Variants in SH3BP5 observed in about 807,000 individuals in gnomAD.
SH3BP5 encodes the protein SH3 domain binding protein 5, also known as SH3 domain-binding protein 5.
In SH3BP5, 22 loss-of-function variants were observed where a neutral mutation model predicts 43.3. The observed-to-expected ratio is 0.51, with a 90% CI of 0.36 to 0.73. The LOEUF is 0.73. SH3BP5 is among the 30% of genes least tolerant of loss of function. The pLI is 0.00. For missense variants in SH3BP5, 529 were observed against 586.9 expected (o/e 0.90, Z 1.02); for synonymous variants, 255 against 225.8 (o/e 1.13, Z -1.16).
At chr3:15,306,076 G>A (rs58913734) in intron 2 of SH3BP5, among the ~76,000 whole-genome samples, 83,872 of 146,988 alleles carry the variant, frequency 0.57, 24,373 homozygotes, top group East Asian at 0.82. Flanking sequence ...AGAAATGGCA[G>A]CCGGGCACCA....
intron 3 of SH3BP5, among the ~76,000 whole-genome samples, chr3:15,287,130 A>C (rs770499563): frequency 1.2e-4 from 18 of 152,252 alleles, no homozygotes; most frequent in Non-Finnish European, 2.4e-4. Context: ...AGTTGCTGCA[A>C]GGAATAAGTG....
intron 1 of SH3BP5, among the ~76,000 whole-genome samples, chr3:15,337,968 T>A (rs1272809580): frequency 7.0e-6 from 1 of 142,640 alleles, no homozygotes; most frequent in Non-Finnish European, 1.5e-5. Context: ...AGTCAATCCC[T>A]CATTGTGAAG....
chr3:15,294,398 G>C (rs1032058242), intron 3 of SH3BP5, among the ~76,000 whole-genome samples: 1 of 151,812 alleles, frequency 6.6e-6, no homozygotes, highest in African/African-American at 2.4e-5. Context: ...GGTATACAAA[G>C]AGTGTTGAAA....
intron 3 of SH3BP5, among the ~76,000 whole-genome samples, chr3:15,278,935 T>TG (rs1366490867): frequency 2.8e-5 from 4 of 144,236 alleles, no homozygotes; most frequent in Admixed American, 2.0e-4. Context: ...TTTGGGAGGC[T>TG]GAGGCGGGCA....
chr3:15,320,245 T>G (rs1254435657), intron 2 of SH3BP5, among the ~76,000 whole-genome samples: 2 of 152,118 alleles, frequency 1.3e-5, no homozygotes, highest in African/African-American at 4.8e-5. Context: ...CGGATATTCC[T>G]CTCATTGTCT....
intron 2 of SH3BP5, among the ~76,000 whole-genome samples, chr3:15,304,814 CA>C (rs11358968): frequency 0.36 from 29,164 of 80,104 alleles, 2,479 homozygotes; most frequent in East Asian, 0.52. Flanking sequence ...GACTCTGTCT[CA>C]AAAAAAAAAA....
chr3:15,272,489 G>A (rs2125067715), intron 3 of SH3BP5, among the ~76,000 whole-genome samples: 1 of 152,302 alleles, frequency 6.6e-6, no homozygotes, highest in Non-Finnish European at 1.5e-5. Flanking sequence ...GAAAACATGG[G>A]CTGATGAGGT....
At position 15,254,932 on chromosome 3, in the gene SH3BP5, CAAA is replaced by C. The variant is rs941268055; in HGVS notation, c.*1151_*1153del. 2.6e-5 allele frequency: 4 copies of C among 151,954 alleles called. No homozygotes were observed. Among genetic ancestry groups the C allele is most frequent in the African/African-American group, 9.7e-5 (4 of 41,372 alleles). The allele number at this position is 151,954 out of a possible 1,614,324, so 9.4% of individuals were successfully genotyped here. A position where few individuals can be genotyped will look rare whatever the true frequency, so the allele number is the denominator to read the frequency against. ...CTTGTAATTAAGATACTGTATCAGT[CAAA>C]AAAGAAGTCACTATTGTATGAAGAG... On this transcript the variant is annotated 3_prime_UTR_variant, in exon 9 of 9. Coordinates refer to ENST00000383791, the MANE Select transcript of SH3BP5 (RefSeq NM_004844.5).
chr3:15,285,020 G>C (rs2729689), intron 3 of SH3BP5, among the ~76,000 whole-genome samples: 2 of 151,978 alleles, frequency 1.3e-5, no homozygotes, highest in African/African-American at 2.4e-5. Flanking sequence ...CTAGGATCTC[G>C]TCACAGCAGT....
At chr3:15,340,882 G>A (rs183211837) in intron 1 of SH3BP5, among the ~76,000 whole-genome samples, 10 of 151,852 alleles carry the variant, frequency 6.6e-5, no homozygotes, top group South Asian at 2.1e-4. Context: ...GAGAAACCTC[G>A]TCTTTACTAA....
In SH3BP5 at chr3:15,255,820, C is replaced by A; in HGVS notation, c.*266G>T. The A allele has an allele frequency of 2.7e-6, 1 of 371,584 alleles. No individual in the cohort carries two copies. Among genetic ancestry groups the A allele is most frequent in the East Asian group, 4.8e-5 (1 of 20,908 alleles). The allele number at this position is 371,584 out of a possible 1,614,324, so 23.0% of individuals were successfully genotyped here. A position where few individuals can be genotyped will look rare whatever the true frequency, so the allele number is the denominator to read the frequency against. ...GTTCTTTCATAGGAACTAGTTATTG[C>A]TTCCACAATGCCGTTATACGGAATG... is the stretch of plus-strand genomic sequence containing the variant. On this transcript the variant is annotated 3_prime_UTR_variant, in exon 9 of 9. Coordinates refer to ENST00000383791, the MANE Select transcript of SH3BP5 (RefSeq NM_004844.5).
upstream of SH3BP5, chr3:15,333,135 GGTGGCAA>G: frequency 1.0e-6 from 1 of 985,478 alleles, no homozygotes; most frequent in Non-Finnish European, 1.2e-6. Context: ...GATTTAAGGA[GGTGGCAA>G]GTGTAACCCC....
intron 2 of SH3BP5, among the ~76,000 whole-genome samples, chr3:15,312,271 T>C (rs1014250154): frequency 2.0e-5 from 3 of 152,216 alleles, no homozygotes; most frequent in African/African-American, 7.2e-5. Context: ...TGCGAAAGCA[T>C]GTACAACAAT....
At chr3:15,273,486 G>T in intron 3 of SH3BP5, 1 of 765,082 alleles carries the variant, frequency 1.3e-6, no homozygotes, top group Non-Finnish European at 1.6e-6. Flanking sequence ...AGCGTCTGAA[G>T]TTTCTGCGAG....
rs568377255 is a variant in SH3BP5 at position 15,257,040 on chromosome 3, C to T, written c.963G>A (p.Val321=). 1.9e-6 allele frequency: 3 copies of T among 1,614,106 alleles called. No individual in the cohort carries two copies. Among genetic ancestry groups the T allele is most frequent in the Non-Finnish European group, 2.5e-6 (3 of 1,180,040 alleles). The change falls in exon 8 of 9, where the codon GTG becomes GTA. Residue 321 remains valine, a synonymous_variant. Coordinates refer to ENST00000383791, the MANE Select transcript of SH3BP5 (RefSeq NM_004844.5). The stretch of plus-strand genomic sequence containing the variant: ...TTGTTGGTCCTGAACTAAAGCTGGA[C>T]ACGGACTGGGTTTCCGAGTCATCTT... ...VSEDDSETQS[V]SSFSSGPTSP... is the part of the protein sequence containing the mutation.
rs190834008 is a variant in SH3BP5 at position 15,283,426 on chromosome 3, C to T, written c.331-13549G>A. Among the ~76,000 whole-genome samples, 1,031 of 152,216 alleles carry T rather than the reference C, an allele frequency of 6.8e-3. 11 individuals are homozygous for T. Among genetic ancestry groups the T allele is most frequent in the African/African-American group, 0.024 (991 of 41,528 alleles). ...AAAGGAAAAGAAATATCTAAGATTGCCAATGAGGGGAGGTAAACAGTCAAA... is the reference window on the plus strand; with the variant it reads ...AAAGGAAAAGAAATATCTAAGATTGTCAATGAGGGGAGGTAAACAGTCAAA... On this transcript the variant is annotated intron_variant, in intron 3 of 8. Coordinates refer to ENST00000383791, the MANE Select transcript of SH3BP5 (RefSeq NM_004844.5).
chr3:15,265,561 A>ACACACACACACAC (rs1553613901), intron 4 of SH3BP5, among the ~76,000 whole-genome samples: 47 of 44,494 alleles, frequency 1.1e-3, no homozygotes, highest in African/African-American at 2.7e-3. Flanking sequence ...CACACACACA[A>ACACACACACACAC]CCCTCCAGCT....
intron 3 of SH3BP5, among the ~76,000 whole-genome samples, chr3:15,285,166 G>T (rs1697230789): frequency 6.6e-6 from 1 of 152,184 alleles, no homozygotes; most frequent in Admixed American, 6.5e-5. Context: ...CCTAGCTATG[G>T]TAGAAATGAT....
intron 3 of SH3BP5, chr3:15,273,483 G>A (rs1696875135): frequency 4.8e-6 from 4 of 831,660 alleles, no homozygotes; most frequent in Non-Finnish European, 5.8e-6. Context: ...ACAAGCGTCT[G>A]AAGTTTCTGC....
Sources: allele counts gnomAD v4.1 joint callset (sites outside exome capture counted in the v4.1 genomes callset), GRCh38; gene constraint gnomAD v4.1.1; transcripts MANE v1.5; gene names NCBI Gene and HGNC (gene_info 2026-07-23, HGNC 2026-07-21).